Variants in CDH13 observed in about 807,000 individuals in gnomAD.
CDH13 encodes cadherin 13.
A neutral mutation model predicts 63.8 loss-of-function variants in CDH13; 24 were observed. The observed-to-expected ratio is 0.38, with a 90% CI of 0.27 to 0.53. The LOEUF (loss-of-function observed/expected upper bound fraction) is 0.53, where lower values mean the gene tolerates loss of function less well. Among genes scored for constraint, CDH13 ranks in the 20% least tolerant of loss-of-function variants. The pLI, the probability that CDH13 is intolerant of heterozygous loss-of-function variation, is 0.85. For synonymous variants in CDH13, 503 were observed against 355.3 expected, an observed-to-expected ratio of 1.42 and a Z score of -4.67; for missense variants, 1,049 against 903.1, an observed-to-expected ratio of 1.16 and a Z score of -2.07.
At chr16:83,132,229 C>T (rs1367806068) in intron 4 of CDH13, among the ~76,000 whole-genome samples, 3 of 152,086 alleles carry the variant, frequency 2.0e-5, no homozygotes, top group Admixed American at 6.5e-5. Flanking sequence ...CTCCATCACC[C>T]CTCTCCTGAA....
At chr16:83,399,271 A>G (rs1025203433) in intron 6 of CDH13, among the ~76,000 whole-genome samples, 2 of 152,236 alleles carry the variant, frequency 1.3e-5, no homozygotes, top group Non-Finnish European at 2.9e-5. Flanking sequence ...CAGGCTTATT[A>G]TGATGATCAA....
chr16:83,239,045 G>T (rs1484359832), intron 5 of CDH13, among the ~76,000 whole-genome samples: 1 of 152,122 alleles, frequency 6.6e-6, no homozygotes, highest in Non-Finnish European at 1.5e-5. Flanking sequence ...ATTCTCCATG[G>T]GCGCTTAAGA....
At chr16:83,711,797 T>C (rs1472665879) in intron 10 of CDH13, among the ~76,000 whole-genome samples, 2 of 152,252 alleles carry the variant, frequency 1.3e-5, no homozygotes, top group East Asian at 1.9e-4. Flanking sequence ...ATTACAGGCG[T>C]GAGCCACCAC....
intron 1 of CDH13, among the ~76,000 whole-genome samples, chr16:82,757,240 G>T (rs1036838495): frequency 6.6e-6 from 1 of 152,156 alleles, no homozygotes; most frequent in African/African-American, 2.4e-5. Context: ...CTGGATCCTT[G>T]TTCAGATTTG....
At chr16:83,092,314 T>C (rs773467895) in intron 3 of CDH13, among the ~76,000 whole-genome samples, 3 of 152,218 alleles carry the variant, frequency 2.0e-5, no homozygotes, top group African/African-American at 4.8e-5. Context: ...TGTTGATTTG[T>C]ATAACCTTTG....
At chr16:83,101,951 C>T (rs146253812) in intron 3 of CDH13, among the ~76,000 whole-genome samples, 2 of 152,140 alleles carry the variant, frequency 1.3e-5, no homozygotes, top group East Asian at 1.9e-4. Flanking sequence ...AATGTGTTAC[C>T]TTATATGGCC....
At chr16:83,435,246 G>A (rs1472728812) in intron 6 of CDH13, among the ~76,000 whole-genome samples, 3 of 152,014 alleles carry the variant, frequency 2.0e-5, no homozygotes, top group Non-Finnish European at 2.9e-5. Flanking sequence ...GTTTCGCCTT[G>A]TTGGCCAGGC....
At chr16:82,818,924 A>G (rs564991151) in intron 1 of CDH13, among the ~76,000 whole-genome samples, 1 of 152,340 alleles carries the variant, frequency 6.6e-6, no homozygotes, top group East Asian at 1.9e-4. Context: ...ATTTTCAATG[A>G]CAGAACTTGC....
chr16:83,403,294 C>T (rs558636036), intron 6 of CDH13, among the ~76,000 whole-genome samples: 4 of 152,186 alleles, frequency 2.6e-5, no homozygotes, highest in Non-Finnish European at 4.4e-5. Flanking sequence ...ATGGAAGTCA[C>T]GACCTTGAAA....
At chr16:82,834,692 G>A (rs926885155) in intron 1 of CDH13, among the ~76,000 whole-genome samples, 3 of 152,098 alleles carry the variant, frequency 2.0e-5, no homozygotes, top group African/African-American at 7.2e-5. Flanking sequence ...GTCTGCTCAC[G>A]CACTTGGCTC....
At chr16:83,573,998 C>T (rs986738786) in intron 7 of CDH13, among the ~76,000 whole-genome samples, 12 of 152,246 alleles carry the variant, frequency 7.9e-5, no homozygotes, top group Admixed American at 3.3e-4. Flanking sequence ...TCCCCAGATA[C>T]GCTTGGAGGT....
At chr16:83,327,113 A>G (rs1377944870) in intron 5 of CDH13, among the ~76,000 whole-genome samples, 1 of 152,220 alleles carries the variant, frequency 6.6e-6, no homozygotes, top group Non-Finnish European at 1.5e-5. Context: ...GCAGGGACAG[A>G]TGGAATCACT....
intron 1 of CDH13, among the ~76,000 whole-genome samples, chr16:82,679,167 C>A (rs3852736): frequency 0.62 from 94,020 of 152,126 alleles, 29,894 homozygotes; most frequent in Non-Finnish European, 0.69. Context: ...CATGTGTCAT[C>A]CTGCAGGTTC....
chr16:83,075,743 A>G (rs1020548939), intron 3 of CDH13, among the ~76,000 whole-genome samples: 2 of 152,208 alleles, frequency 1.3e-5, no homozygotes, highest in Non-Finnish European at 2.9e-5. Flanking sequence ...TTGCTTGGGA[A>G]TACTTTGACT....
At position 83,401,339 on chromosome 16, in the gene CDH13, A is replaced by C. The variant is rs868390471; in HGVS notation, c.781+56333A>C. Among the ~76,000 whole-genome samples, 254 of 131,900 alleles carry C rather than the reference A, an allele frequency of 1.9e-3. 1 individual carries two copies. The highest frequency in any genetic ancestry group is 1.8e-3 in the Non-Finnish European group (112 of 62,478). 86.5% of individuals were successfully genotyped at this position (131,900 alleles called of 152,430 possible). A position where few individuals can be genotyped will look rare whatever the true frequency, so the allele number is the denominator to read the frequency against. Reference sequence around the variant, plus strand: ...GAGTGACAGAGTGAGACTCCATCTCAAAAAAAAAAAAAGAAAAAAGATTAT... The same window carrying C: ...GAGTGACAGAGTGAGACTCCATCTCCAAAAAAAAAAAAGAAAAAAGATTAT... On this transcript the variant is annotated intron_variant, in intron 6 of 13. Coordinates refer to ENST00000567109, the MANE Select transcript of CDH13 (RefSeq NM_001257.5).
intron 2 of CDH13, among the ~76,000 whole-genome samples, chr16:82,879,665 AT>A (rs2040625344): frequency 7.2e-6 from 1 of 139,482 alleles, no homozygotes; most frequent in Non-Finnish European, 1.5e-5. Context: ...GATATAATAT[AT>A]TTTACATAAA....
intron 6 of CDH13, among the ~76,000 whole-genome samples, chr16:83,358,518 G>A (rs570437784): frequency 6.6e-6 from 1 of 152,148 alleles, no homozygotes. Flanking sequence ...ATGAACTTCT[G>A]TCTTATGTAA....
chr16:82,885,101 G>C (rs1184471072), intron 2 of CDH13, among the ~76,000 whole-genome samples: 1 of 152,160 alleles, frequency 6.6e-6, no homozygotes, highest in Non-Finnish European at 1.5e-5. Context: ...TTCAGCTCTT[G>C]TTCTACCTAG....
intron 6 of CDH13, among the ~76,000 whole-genome samples, chr16:83,457,124 C>T (rs77714156): frequency 0.061 from 9,313 of 152,188 alleles, 328 homozygotes; most frequent in Middle Eastern, 0.15. Context: ...ACCTGGGCAC[C>T]GGCCCAAGCT....
Sources: allele counts gnomAD v4.1 joint callset (sites outside exome capture counted in the v4.1 genomes callset), GRCh38; gene constraint gnomAD v4.1.1; transcripts MANE v1.5; gene names NCBI Gene and HGNC (gene_info 2026-07-23, HGNC 2026-07-21).